The following VIT variants were observed in gnomAD, a reference collection of about 807,000 sequenced individuals.
VIT encodes the protein vitrin.
VIT carries 99 observed loss-of-function variants against 78.0 expected under a neutral mutation model. That is an observed-to-expected ratio of 1.27 (90% CI 1.08 to 1.50). The LOEUF (loss-of-function observed/expected upper bound fraction) is 1.50. Ranked by LOEUF, VIT falls within the 40% of genes most tolerant of loss-of-function variation. The pLI, the probability that VIT is intolerant of heterozygous loss-of-function variation, is 0.00. For missense variants in VIT, 1,126 were observed against 875.3 expected, an observed-to-expected ratio of 1.29 and a Z score of -3.61; for synonymous variants, 374 against 334.3, an observed-to-expected ratio of 1.12 and a Z score of -1.29.
intron 1 of VIT, among the ~76,000 whole-genome samples, chr2:36,715,632 A>T (rs973716001): frequency 6.6e-6 from 1 of 152,216 alleles, no homozygotes; most frequent in Non-Finnish European, 1.5e-5. Context: ...AGAAGTTGTT[A>T]AAAACTTAAT....
chr2:36,799,327 C>T (rs1435139409), intron 12 of VIT, among the ~76,000 whole-genome samples: 1 of 152,172 alleles, frequency 6.6e-6, no homozygotes, highest in Non-Finnish European at 1.5e-5. Context: ...AAGAATCAAC[C>T]CATGGTCAGC....
chr2:36,726,818 CAAA>C (rs758452109), intron 2 of VIT, among the ~76,000 whole-genome samples: 15 of 111,600 alleles, frequency 1.3e-4, no homozygotes, highest in Middle Eastern at 5.2e-3. Context: ...GACTCTGTCT[CAAA>C]AAAAAAAAAA....
rs59492163 is a variant in VIT, at chr2:36,774,292, A to G, written c.736+445A>G. 8.7e-3 allele frequency among the ~76,000 whole-genome samples: 1,331 copies of G among 152,206 alleles called. 28 individuals carry two copies. Among genetic ancestry groups the G allele is most frequent in the African/African-American group, 0.03 (1,250 of 41,526 alleles). Reference sequence around the variant, plus strand: ...ATTCTCTCTCCCCGGGAGTTCACCTATGAATTCTGAAATGCCCCTGGCTGT... The same window carrying G: ...ATTCTCTCTCCCCGGGAGTTCACCTGTGAATTCTGAAATGCCCCTGGCTGT... On this transcript the variant is annotated intron_variant, in intron 8 of 15. Transcript: ENST00000379242.
intron 10 of VIT, among the ~76,000 whole-genome samples, chr2:36,782,159 G>A (rs1279785186): frequency 6.6e-6 from 1 of 152,188 alleles, no homozygotes; most frequent in Admixed American, 6.5e-5. Flanking sequence ...GTTGTTTGCT[G>A]CGTACTGCAT....
chr2:36,729,594 C>A, intron 3 of VIT, 103 bp downstream of exon 3: 1 of 1,138,580 alleles, frequency 8.8e-7, no homozygotes, highest in Non-Finnish European at 1.3e-6. Context: ...TGGTTTTTAT[C>A]TCTATGTCAA....
chr2:36,789,787 T>G (rs1035352335), intron 12 of VIT, among the ~76,000 whole-genome samples: 4 of 152,210 alleles, frequency 2.6e-5, no homozygotes, highest in African/African-American at 9.6e-5. Context: ...AGCACCTGAT[T>G]CTACCTCTTT....
In VIT at chr2:36,808,917, T is replaced by C. The variant is rs968216766; in HGVS notation, c.1835T>C (p.Met612Thr). Residue 612 changes from methionine (M) to threonine (T), a missense_variant, in exon 15 of 16, where the codon ATG becomes ACG. By Grantham distance (81) the Met-to-Thr change is moderately conservative (BLOSUM62 -1). Transcript: ENST00000379242. ...TCCAAGCCCAACAAGAGGAAGTTAATGATCCTCATCACCGACGGGAGGTCC... is the reference window on the plus strand; with the variant it reads ...TCCAAGCCCAACAAGAGGAAGTTAACGATCCTCATCACCGACGGGAGGTCC... ...KKSKPNKRKL[M>T]ILITDGRSYD... 2 of 1,613,962 alleles carry C rather than the reference T, an allele frequency of 1.2e-6. No individual in the cohort carries two copies. The highest frequency in any genetic ancestry group is 1.7e-6 in the Non-Finnish European group (2 of 1,179,884).
intron 3 of VIT, among the ~76,000 whole-genome samples, chr2:36,741,766 C>T (rs550809584): frequency 1.2e-4 from 19 of 152,210 alleles, no homozygotes; most frequent in African/African-American, 4.6e-4. Flanking sequence ...TGTAACTGTT[C>T]AGTCTCCACT....
intron 10 of VIT, 110 bp downstream of exon 10, chr2:36,781,881 G>A: frequency 7.6e-7 from 1 of 1,315,160 alleles, no homozygotes; most frequent in South Asian, 1.2e-5. Flanking sequence ...CACTAGCCTA[G>A]GATTTCTAAT....
rs201790123 is a variant in VIT, at chr2:36,716,363, T to C, written c.-8T>C. 2.0e-5 allele frequency: 32 copies of C among 1,613,596 alleles called. No individual in the cohort carries two copies. The African/African-American group carries it at 3.5e-4, about 17-fold the overall frequency. ...TTTCTTTCTCTCCAGGGTGTCATTC[T>C]GATATTTATGAGGACTGTTGTTCTC... On this transcript the variant is annotated 5_prime_UTR_variant, in exon 2 of 16. Coordinates refer to ENST00000379242, the MANE Select transcript of VIT (RefSeq NM_053276.4).
intron 5 of VIT, among the ~76,000 whole-genome samples, chr2:36,755,299 A>G (rs529584781): frequency 1.3e-5 from 2 of 152,358 alleles, no homozygotes; most frequent in South Asian, 4.1e-4. Context: ...GTTATCTGTA[A>G]GTCCAATCAG....
chr2:36,700,926 C>T (rs900454374), intron 1 of VIT, among the ~76,000 whole-genome samples: 1 of 151,940 alleles, frequency 6.6e-6, no homozygotes, highest in African/African-American at 2.4e-5. Flanking sequence ...GTAAGTTGTC[C>T]GAAGCCACAC....
At chr2:36,744,212 T>C (rs1668003404) in intron 4 of VIT, among the ~76,000 whole-genome samples, 1 of 152,220 alleles carries the variant, frequency 6.6e-6, no homozygotes, top group African/African-American at 2.4e-5. Context: ...CCATCACTGA[T>C]AGACACCTTC....
chr2:36,733,348 C>G (rs1056638104), intron 3 of VIT, among the ~76,000 whole-genome samples: 34 of 152,262 alleles, frequency 2.2e-4, no homozygotes, highest in Admixed American at 2.6e-4. Flanking sequence ...CTCTCTCCCC[C>G]CCTCTCTCTC....
At chr2:36,759,158 T>C (rs1253406794) in intron 6 of VIT, 112 bp downstream of exon 6, 1 of 1,601,844 alleles carries the variant, frequency 6.2e-7, no homozygotes, top group South Asian at 1.1e-5. Flanking sequence ...CCACTGGCTC[T>C]GGCAATATTT....
intron 4 of VIT, among the ~76,000 whole-genome samples, chr2:36,744,901 C>T (rs1033230563): frequency 6.6e-6 from 1 of 152,092 alleles, no homozygotes; most frequent in Non-Finnish European, 1.5e-5. Context: ...AGACCAATGT[C>T]GAGAAGGGTA....
intron 13 of VIT, among the ~76,000 whole-genome samples, chr2:36,803,308 A>C: frequency 6.6e-6 from 1 of 152,256 alleles, no homozygotes; most frequent in South Asian, 2.1e-4. Flanking sequence ...AAGTGCATCA[A>C]TTCATGGAAC....
chr2:36,734,934 C>T (rs2148497601), intron 3 of VIT, among the ~76,000 whole-genome samples: 2 of 152,210 alleles, frequency 1.3e-5, no homozygotes, highest in East Asian at 3.9e-4. Flanking sequence ...GAGGCCGAGG[C>T]AGGTGGATCG....
intron 8 of VIT, 199 bp from the exon 9 acceptor site, chr2:36,774,803 T>C (rs1669954385): frequency 1.0e-6 from 1 of 985,400 alleles, no homozygotes; most frequent in Non-Finnish European, 1.2e-6. Flanking sequence ...GCCCAATCCA[T>C]GGAGCACTGT....
Sources: gnomAD v4.1 joint callset for allele counts (sites outside exome capture counted in the v4.1 genomes callset) on GRCh38, gnomAD v4.1.1 for gene constraint, MANE v1.5 for transcripts, NCBI Gene and HGNC (gene_info 2026-07-23, HGNC 2026-07-21) for gene names.